GET1: variants seen among roughly 807,000 people sequenced by gnomAD.
The protein encoded by GET1 is congenital heart disease 5 protein.
A neutral mutation model predicts 22.6 loss-of-function variants in GET1; 20 were observed. The observed-to-expected ratio is 0.89, with a 90% CI of 0.62 to 1.29. The LOEUF (loss-of-function observed/expected upper bound fraction) is 1.29, where lower values mean the gene tolerates loss of function less well. GET1 is among the 50% of genes most tolerant of loss of function. The pLI, the probability that GET1 is intolerant of heterozygous loss-of-function variation, is 0.00. For missense variants in GET1, 209 were observed against 219.9 expected (o/e 0.95, Z 0.31); for synonymous variants, 92 against 83.8 (o/e 1.10, Z -0.53).
At chr21:39,385,933 G>A (rs371448328) in intron 1 of GET1, among the ~76,000 whole-genome samples, 1 of 151,722 alleles carries the variant, frequency 6.6e-6, no homozygotes, top group Non-Finnish European at 1.5e-5. Context: ...TAGGACTGGC[G>A]CTGGCTCAGG....
At chr21:39,417,917 C>T (rs1247837612) in intron 1 of GET1, among the ~76,000 whole-genome samples, 5 of 152,146 alleles carry the variant, frequency 3.3e-5, no homozygotes, top group South Asian at 2.1e-4. Context: ...AGGTGCCCGC[C>T]ACCATGCCTG....
At chr21:39,410,000 C>A, downstream of GET1, 1 of 1,560,836 alleles carries the variant, frequency 6.4e-7, no homozygotes, top group Non-Finnish European at 8.8e-7. The surrounding 1 kb of genome is among the most constrained non-coding windows in gnomAD (Gnocchi z 4.2). Flanking sequence ...CTCTTAGAAT[C>A]CTCTTGCTTT....
intron 1 of GET1, among the ~76,000 whole-genome samples, chr21:39,385,206 C>T (rs928687264): frequency 5.3e-5 from 8 of 152,140 alleles, no homozygotes; most frequent in African/African-American, 9.7e-5. Context: ...ATTATAACCT[C>T]CGTTGGGATG....
chr21:39,410,412 G>A (rs756725511), downstream of GET1: 6 of 976,308 alleles, frequency 6.1e-6, no homozygotes, highest in African/African-American at 8.2e-5. Flanking sequence ...TTTTACATTT[G>A]GATACAATAT....
intron 1 of GET1, among the ~76,000 whole-genome samples, chr21:39,389,441 G>C (rs2038152124): frequency 6.6e-6 from 1 of 152,150 alleles, no homozygotes; most frequent in African/African-American, 2.4e-5. Flanking sequence ...CACCATGCCA[G>C]GCTGAGGCAT....
At chr21:39,399,479 C>T (rs2038785391), downstream of GET1, among the ~76,000 whole-genome samples, 1 of 152,056 alleles carries the variant, frequency 6.6e-6, no homozygotes, top group African/African-American at 2.4e-5. Flanking sequence ...GAGTTTTGCT[C>T]TGTCGCCCAG....
chr21:39,398,162 T>G (rs750341450), downstream of GET1, among the ~76,000 whole-genome samples: 1 of 152,144 alleles, frequency 6.6e-6, no homozygotes, highest in Non-Finnish European at 1.5e-5. Flanking sequence ...CAGCTTCCAG[T>G]GTCCGTCACC....
intron 1 of GET1, among the ~76,000 whole-genome samples, chr21:39,383,195 C>G (rs754218506): frequency 6.6e-6 from 1 of 151,958 alleles, no homozygotes; most frequent in Non-Finnish European, 1.5e-5. Context: ...ACCTTGTGAT[C>G]TGCCCGCCTT....
At position 39,423,571 on chromosome 21, in the gene GET1, A is replaced by G. The variant is rs116693354; in HGVS notation, c.*24-4661A>G. ...TGCACATATGCATAATCTCTCTCCC[A>G]TGCCCCCATGCACACACACCACACA... On this transcript the variant is annotated intron_variant, in intron 1 of 1. Coordinates refer to the GET1 transcript ENST00000478273. 6.2e-4 allele frequency: 753 copies of G among 1,221,112 alleles called. 7 individuals carry two copies. The African/African-American group carries it at 9.8e-3, about 16-fold the overall frequency. The allele number at this position is 1,221,112 out of a possible 1,614,324, so 75.6% of individuals were successfully genotyped here.
Position 39,397,107 on chromosome 21 carries a change from A to AC in GET1, c.*169dup. 1.5e-6 allele frequency: 1 copy of AC among 684,196 alleles called. No individual in the cohort carries two copies. The allele number at this position is 684,196 out of a possible 1,614,324, so 42.4% of individuals were successfully genotyped here. A position where few individuals can be genotyped will look rare whatever the true frequency, so the allele number is the denominator to read the frequency against. On this transcript the variant is annotated 3_prime_UTR_variant, in exon 5 of 5. Transcript: ENST00000649170. ...TTTATGAGAGAGTCTTATAAGAATCACGATTTTCTACACCTGTCATTGAGC... is the reference window on the plus strand; with the variant it reads ...TTTATGAGAGAGTCTTATAAGAATCACCGATTTTCTACACCTGTCATTGAGC...
intron 1 of GET1, 61 bp from the exon 2 acceptor site, chr21:39,390,637 C>T: frequency 6.3e-7 from 1 of 1,591,350 alleles, no homozygotes; most frequent in South Asian, 1.1e-5. Flanking sequence ...TAGCGGGGGA[C>T]TGGGGAACCC....
intron 4 of GET1, among the ~76,000 whole-genome samples, chr21:39,395,049 G>GT (rs923769745): frequency 6.6e-6 from 1 of 151,736 alleles, no homozygotes; most frequent in Non-Finnish European, 1.5e-5. Flanking sequence ...AAAAAAAAAA[G>GT]TTTTTTATAG....
At chr21:39,406,642 T>C, downstream of GET1, 5 of 1,497,078 alleles carry the variant, frequency 3.3e-6, no homozygotes, top group Non-Finnish European at 4.5e-6. Flanking sequence ...AATTTAGTGC[T>C]GTTTAAAATG....
At chr21:39,382,037 C>T (rs187337785) in intron 1 of GET1, among the ~76,000 whole-genome samples, 1 of 151,920 alleles carries the variant, frequency 6.6e-6, no homozygotes, top group Non-Finnish European at 1.5e-5. Flanking sequence ...CTGCACGTGG[C>T]CCCGCTCCCA....
chr21:39,415,722 A>AT (rs976108673), intron 1 of GET1, among the ~76,000 whole-genome samples: 37 of 152,346 alleles, frequency 2.4e-4, no homozygotes, highest in Admixed American at 7.8e-4. Context: ...ACTGATTAAT[A>AT]TATCTCTTAC....
rs2074075342 is a variant in GET1, at chr21:39,423,422, T to C, written c.*24-4810T>C. 1.2e-6 allele frequency: 2 copies of C among 1,600,672 alleles called. No individual in the cohort carries two copies. Among genetic ancestry groups the C allele is most frequent in the Admixed American group, 3.4e-5 (2 of 58,314 alleles). ...ATAGCATCTCTTCTTTGGGCAATCA[T>C]ATGGATTTGAGAATTAAAGAGTGAT... On this transcript the variant is annotated intron_variant, in intron 1 of 1. Coordinates refer to the GET1 transcript ENST00000478273.
At chr21:39,384,564 ATTT>A (rs35895251) in intron 1 of GET1, among the ~76,000 whole-genome samples, 8 of 144,468 alleles carry the variant, frequency 5.5e-5, no homozygotes, top group East Asian at 2.0e-4. Flanking sequence ...CTGGCCGACA[ATTT>A]TTTTTTTTTT....
exon 5 of GET1, chr21:39,406,263 G>T (rs774744300): frequency 1.2e-6 from 2 of 1,614,174 alleles, no homozygotes; most frequent in Admixed American, 3.3e-5. Context: ...TGCCGGCATT[G>T]GCTGGCCCCC....
chr21:39,387,800 G>A, intron 1 of GET1: 1 of 985,682 alleles, frequency 1.0e-6, no homozygotes, highest in Non-Finnish European at 1.2e-6. Flanking sequence ...GCGGGTCGCG[G>A]CTTCCAAGCT....
Sources: gnomAD v4.1 joint callset for allele counts (sites outside exome capture counted in the v4.1 genomes callset) on GRCh38, gnomAD v4.1.1 for gene constraint, Gnocchi (gnomAD v3.1) non-coding constraint, MANE v1.5 for transcripts, NCBI Gene and HGNC (gene_info 2026-07-23, HGNC 2026-07-21) for gene names.